The following MBD5 variants were observed in gnomAD, a reference collection of about 807,000 sequenced individuals.
MBD5 encodes methyl-CpG-binding domain protein 5.
In MBD5, 13 loss-of-function variants were observed where a neutral mutation model predicts 117.3. The ratio of observed to expected loss-of-function variants is 0.11; its 90% CI spans 0.07 to 0.18. MBD5 has a LOEUF of 0.18. Among genes scored for constraint, MBD5 ranks in the 10% least tolerant of loss-of-function variants. The probability of loss-of-function intolerance (pLI) is 1.00; values close to 1 mark genes in which losing one functional copy is unlikely to be tolerated. For synonymous variants in MBD5, 727 were observed against 766.4 expected, an observed-to-expected ratio of 0.95 and a Z score of 0.85; for missense variants, 1,879 against 2,093.8, an observed-to-expected ratio of 0.90 and a Z score of 2.00.
rs1372673365 is a variant in MBD5, at chr2:148,043,857, CAT to C, written c.-925+22176_-925+22177del. Among the ~76,000 whole-genome samples, 6 of 152,122 alleles carry C rather than the reference CAT, an allele frequency of 3.9e-5. No individual in the cohort carries two copies. The East Asian group carries it at 7.7e-4, about 20-fold the overall frequency. On this transcript the variant is annotated intron_variant, in intron 1 of 13. Transcript: ENST00000642680. Reference sequence around the variant, plus strand: ...AACTTATTTCCAGTCTTTTGTAAAACATATTTATTTGCTCTAAAAATGTATCT... The same window carrying C: ...AACTTATTTCCAGTCTTTTGTAAAACATTTATTTGCTCTAAAAATGTATCT...
intron 4 of MBD5, among the ~76,000 whole-genome samples, chr2:148,400,224 T>G (rs1198976683): frequency 6.6e-6 from 1 of 152,210 alleles, no homozygotes; most frequent in Non-Finnish European, 1.5e-5. Flanking sequence ...TTTTTTACTT[T>G]TTTTAAATTT....
At chr2:148,389,689 T>C (rs1704506302) in intron 4 of MBD5, among the ~76,000 whole-genome samples, 1 of 152,096 alleles carries the variant, frequency 6.6e-6, no homozygotes, top group African/African-American at 2.4e-5. Context: ...ATTAGTGATG[T>C]TGAGTATTTT....
At chr2:148,152,741 A>G (rs1031578616) in intron 1 of MBD5, among the ~76,000 whole-genome samples, 2 of 150,284 alleles carry the variant, frequency 1.3e-5, no homozygotes, top group Non-Finnish European at 3.0e-5. Flanking sequence ...AGTCTGTTTT[A>G]TCAGAGACTA....
intron 8 of MBD5, among the ~76,000 whole-genome samples, chr2:148,476,200 G>A (rs552940112): frequency 1.7e-4 from 16 of 93,766 alleles, no homozygotes; most frequent in Non-Finnish European, 3.6e-4. Context: ...CTTTCTCAAT[G>A]TAGCCTGATA....
At chr2:148,133,431 G>A (rs1037300) in intron 1 of MBD5, among the ~76,000 whole-genome samples, 146,720 of 152,314 alleles carry the variant, frequency 0.96, 70,903 homozygotes, top group East Asian at 1. Flanking sequence ...TTCCATTTGT[G>A]TAAACTTTGC....
intron 2 of MBD5, among the ~76,000 whole-genome samples, chr2:148,187,177 C>G (rs1051303844): frequency 6.6e-6 from 1 of 152,182 alleles, no homozygotes; most frequent in Non-Finnish European, 1.5e-5. Context: ...GCTATGATCA[C>G]ATGTGTGGAT....
chr2:148,054,689 CATAAGTATTAATTAGCAAAA>C (rs1289115346), intron 1 of MBD5: 5 of 152,140 alleles, frequency 3.3e-5, no homozygotes, highest in African/African-American at 9.7e-5. Context: ...TTGTATTTTA[CATAAGTATTAATTAGCAAAA>C]GATTAGAAAG....
At chr2:148,443,047 G>A (rs1388513771) in intron 4 of MBD5, among the ~76,000 whole-genome samples, 5 of 151,156 alleles carry the variant, frequency 3.3e-5, no homozygotes, top group African/African-American at 1.2e-4. Context: ...AGCTCTATAG[G>A]AAAAAAATCT....
At chr2:148,171,685 G>C (rs572165697) in intron 1 of MBD5, among the ~76,000 whole-genome samples, 38 of 152,242 alleles carry the variant, frequency 2.5e-4, no homozygotes, top group Middle Eastern at 6.8e-3. Context: ...AACTATTGCT[G>C]TTTGTTGATA....
At chr2:148,165,954 G>A (rs1698117616) in intron 1 of MBD5, among the ~76,000 whole-genome samples, 1 of 152,092 alleles carries the variant, frequency 6.6e-6, no homozygotes. Context: ...ATTATAAACA[G>A]AGAAGATTCA....
chr2:148,405,627 G>T (rs1025398984), intron 4 of MBD5, among the ~76,000 whole-genome samples: 4 of 152,138 alleles, frequency 2.6e-5, no homozygotes, highest in South Asian at 2.1e-4. Flanking sequence ...GCACATAAGC[G>T]CTAAAGGACT....
intron 4 of MBD5, among the ~76,000 whole-genome samples, chr2:148,407,484 A>G (rs1016360595): frequency 6.6e-6 from 1 of 152,100 alleles, no homozygotes; most frequent in African/African-American, 2.4e-5. Context: ...ATGTTTGGCA[A>G]TGCCTGATGT....
chr2:148,505,770 A>G (rs1682013641), intron 12 of MBD5, among the ~76,000 whole-genome samples: 2 of 152,188 alleles, frequency 1.3e-5, no homozygotes, highest in South Asian at 4.1e-4. Flanking sequence ...GACTGAGGGG[A>G]AGAAGAAAAG....
chr2:148,038,912 C>T (rs1694278473), intron 1 of MBD5, among the ~76,000 whole-genome samples: 1 of 151,944 alleles, frequency 6.6e-6, no homozygotes, highest in Non-Finnish European at 1.5e-5. Flanking sequence ...GACTTGGGGA[C>T]AGCAAAGCAC....
intron 1 of MBD5, among the ~76,000 whole-genome samples, chr2:148,134,213 C>CAGATAGATAGAT (rs1308418845): frequency 5.4e-4 from 70 of 130,316 alleles, no homozygotes; most frequent in African/African-American, 1.7e-3. Context: ...AGATAGATGA[C>CAGATAGATAGAT]AGATAGATAG....
chr2:148,392,452 C>T (rs977094040), intron 4 of MBD5, among the ~76,000 whole-genome samples: 4 of 152,150 alleles, frequency 2.6e-5, no homozygotes, highest in Admixed American at 1.3e-4. Flanking sequence ...CTGATATCTT[C>T]AGTTTGGCCT....
chr2:148,207,728 T>C, intron 2 of MBD5, among the ~76,000 whole-genome samples: 1 of 151,118 alleles, frequency 6.6e-6, no homozygotes, highest in East Asian at 1.9e-4. Context: ...AACCCCTGGG[T>C]GTAGATGACA....
At chr2:148,330,054 A>C (rs13022531) in intron 3 of MBD5, among the ~76,000 whole-genome samples, 11,749 of 16,254 alleles carry the variant, frequency 0.72, 3,760 homozygotes, top group Middle Eastern at 0.86. Flanking sequence ...CCCCCCCCAC[A>C]CACACACACA....
At chr2:148,074,675 T>C (rs1695457704) in intron 1 of MBD5, among the ~76,000 whole-genome samples, 1 of 152,024 alleles carries the variant, frequency 6.6e-6, no homozygotes. Flanking sequence ...AGCTAATTTT[T>C]GTATTTTTAG....
Sources: gnomAD v4.1 joint callset for allele counts (sites outside exome capture counted in the v4.1 genomes callset) on GRCh38, gnomAD v4.1.1 for gene constraint, MANE v1.5 for transcripts, NCBI Gene and HGNC (gene_info 2026-07-23, HGNC 2026-07-21) for gene names.